The following TRAK1 variants were observed in gnomAD, a reference collection of about 807,000 sequenced individuals.
The protein encoded by TRAK1 is trafficking kinesin-binding protein 1.
Under a neutral mutation model 92.1 loss-of-function variants are expected in TRAK1, and 33 were observed. That is an observed-to-expected ratio of 0.36 (90% CI 0.27 to 0.48). The LOEUF is 0.48. TRAK1 is among the 20% of genes least tolerant of loss of function. The pLI, the probability that TRAK1 is intolerant of heterozygous loss-of-function variation, is 0.99. For missense variants in TRAK1, 1,123 were observed against 1,257.9 expected (o/e 0.89, Z 1.62); for synonymous variants, 521 against 517.3 (o/e 1.01, Z -0.10).
intron 1 of TRAK1, among the ~76,000 whole-genome samples, chr3:42,046,111 C>T (rs1274608907): frequency 1.3e-5 from 2 of 152,126 alleles, no homozygotes; most frequent in Non-Finnish European, 2.9e-5. Flanking sequence ...CTTCACCCTA[C>T]CACTCTCTTT....
chr3:42,089,996 G>A (rs1704919640), upstream of TRAK1, among the ~76,000 whole-genome samples: 1 of 152,186 alleles, frequency 6.6e-6, no homozygotes, highest in South Asian at 2.1e-4. Context: ...CAGCACCTTG[G>A]TGAAACTCCT....
chr3:42,125,285 G>C, intron 1 of TRAK1, 135 bp from the exon 2 acceptor site: 1 of 744,992 alleles, frequency 1.3e-6, no homozygotes, highest in Admixed American at 3.0e-5. Context: ...AAAGACTCCT[G>C]ATATAGCCTT....
At chr3:42,182,015 C>G (rs981491257) in intron 3 of TRAK1, among the ~76,000 whole-genome samples, 1 of 146,566 alleles carries the variant, frequency 6.8e-6, no homozygotes, top group African/African-American at 2.6e-5. Flanking sequence ...GTTGCCCAGG[C>G]TGGTCTTGAA....
intron 8 of TRAK1, 108 bp downstream of exon 8, chr3:42,193,313 C>A: frequency 5.5e-6 from 8 of 1,456,022 alleles, no homozygotes; most frequent in Non-Finnish European, 7.3e-6. Flanking sequence ...CTTAGCAGTT[C>A]GTGTTGCCGC....
At chr3:42,217,641 C>G in intron 14 of TRAK1, 1 of 985,360 alleles carries the variant, frequency 1.0e-6, no homozygotes, top group Non-Finnish European at 1.2e-6. Context: ...TTAAATCCAG[C>G]CTTCCCTTGT....
At chr3:42,205,284 C>G (rs918402603) in intron 13 of TRAK1, among the ~76,000 whole-genome samples, 12 of 151,996 alleles carry the variant, frequency 7.9e-5, no homozygotes, top group African/African-American at 2.9e-4. Flanking sequence ...TTCTATTGGC[C>G]CACTGAGAAG....
intron 11 of TRAK1, among the ~76,000 whole-genome samples, chr3:42,200,320 A>G (rs946075280): frequency 1.3e-5 from 2 of 152,212 alleles, no homozygotes; most frequent in African/African-American, 4.8e-5. Context: ...CAAATCTAGT[A>G]TTTATCATCT....
chr3:42,170,656 CACTG>C (rs985657626), intron 2 of TRAK1, among the ~76,000 whole-genome samples: 1 of 152,020 alleles, frequency 6.6e-6, no homozygotes, highest in African/African-American at 2.4e-5. Flanking sequence ...CTTTTAAAAA[CACTG>C]ATGCTAAGGT....
At chr3:42,120,389 C>G (rs560752397) in intron 1 of TRAK1, among the ~76,000 whole-genome samples, 75 of 151,934 alleles carry the variant, frequency 4.9e-4, no homozygotes, top group Non-Finnish European at 1.0e-3. Context: ...AAATGGTGAC[C>G]ACAGAGAGCA....
intron 1 of TRAK1, among the ~76,000 whole-genome samples, chr3:42,035,164 C>T (rs1326405245): frequency 6.6e-6 from 1 of 152,200 alleles, no homozygotes; most frequent in African/African-American, 2.4e-5. Context: ...TGACCTTTGA[C>T]ATCATGGTCT....
rs1553744872 is a variant in TRAK1 at position 42,169,412 on chromosome 3, A to G, written c.287-7402A>G. Among the ~76,000 whole-genome samples, 833 of 152,186 alleles carry G rather than the reference A, an allele frequency of 5.5e-3. 14 individuals carry two copies. The highest frequency in any genetic ancestry group is 0.019 in the African/African-American group (795 of 41,514). On this transcript the variant is annotated intron_variant, in intron 2 of 15. Coordinates refer to ENST00000327628, the MANE Select transcript of TRAK1 (RefSeq NM_001042646.3). ...GATGCTGCTATGAATGCTTATATAC[A>G]TATGTTTATGTTTGTGTGTGCATAT... is the stretch of plus-strand genomic sequence containing the variant.
chr3:42,142,985 C>A (rs1698863185), intron 2 of TRAK1, among the ~76,000 whole-genome samples: 1 of 152,124 alleles, frequency 6.6e-6, no homozygotes, highest in Non-Finnish European at 1.5e-5. Context: ...TTGCAGGTCC[C>A]TCTTGATTTT....
intron 14 of TRAK1, chr3:42,218,342 C>G: frequency 1.0e-6 from 1 of 984,714 alleles, no homozygotes; most frequent in Non-Finnish European, 1.2e-6. Flanking sequence ...TAGTTCACAG[C>G]CTTTTGAATC....
At chr3:42,177,960 T>C (rs6788180) in intron 3 of TRAK1, among the ~76,000 whole-genome samples, 116,298 of 152,028 alleles carry the variant, frequency 0.76, 44,781 homozygotes, top group East Asian at 0.99. Context: ...CTTCAGCCTT[T>C]GGGTGTCACT....
At chr3:42,047,477 A>C (rs1271844683) in intron 1 of TRAK1, among the ~76,000 whole-genome samples, 7 of 151,954 alleles carry the variant, frequency 4.6e-5, no homozygotes, top group Non-Finnish European at 1.0e-4. Flanking sequence ...TGTTGGGATT[A>C]CAGGCGTAAG....
At chr3:42,080,106 C>CTT (rs1704360947) in intron 1 of TRAK1, among the ~76,000 whole-genome samples, 2 of 152,142 alleles carry the variant, frequency 1.3e-5, no homozygotes, top group African/African-American at 4.8e-5. Context: ...TGTCACACAG[C>CTT]TTTGAGTTTT....
intron 3 of TRAK1, among the ~76,000 whole-genome samples, chr3:42,182,182 C>T (rs756840668): frequency 1.1e-4 from 16 of 152,042 alleles, no homozygotes; most frequent in South Asian, 2.1e-4. Flanking sequence ...GCAGATGCAC[C>T]GTGTCCCCTT....
At chr3:42,094,448 T>TC (rs1705595459) in intron 1 of TRAK1, among the ~76,000 whole-genome samples, 1 of 152,078 alleles carries the variant, frequency 6.6e-6, no homozygotes, top group Admixed American at 6.5e-5. Context: ...GCAGTCATGG[T>TC]GTATTGCAAT....
At chr3:42,211,893 G>A (rs1709088937) in intron 14 of TRAK1, 1 of 985,298 alleles carries the variant, frequency 1.0e-6, no homozygotes, top group Admixed American at 6.1e-5. Context: ...TGTAGAAAGG[G>A]TCAGGTTGGA....
Sources: allele counts gnomAD v4.1 joint callset (sites outside exome capture counted in the v4.1 genomes callset), GRCh38; gene constraint gnomAD v4.1.1; transcripts MANE v1.5; gene names NCBI Gene and HGNC (gene_info 2026-07-23, HGNC 2026-07-21).